Variants in RPS6KA5 observed in about 807,000 individuals in gnomAD.
RPS6KA5 encodes the protein ribosomal protein S6 kinase alpha-5.
Under a neutral mutation model 85.5 loss-of-function variants are expected in RPS6KA5, and 27 were observed. The observed-to-expected ratio is 0.32, with a 90% CI of 0.23 to 0.44. RPS6KA5 has a LOEUF of 0.44. RPS6KA5 is among the 20% of genes least tolerant of loss of function. The pLI is 1.00. For missense variants in RPS6KA5, 811 were observed against 980.9 expected, an observed-to-expected ratio of 0.83 and a Z score of 2.31; for synonymous variants, 334 against 348.2, an observed-to-expected ratio of 0.96 and a Z score of 0.46.
At chr14:91,052,805 G>A (rs1363564318) in intron 1 of RPS6KA5, among the ~76,000 whole-genome samples, 1 of 143,492 alleles carries the variant, frequency 7.0e-6, no homozygotes, top group Admixed American at 7.2e-5. Context: ...CTGTACTCCA[G>A]CCTGGGAACA....
intron 3 of RPS6KA5, among the ~76,000 whole-genome samples, chr14:90,965,105 T>C (rs1244082776): frequency 6.6e-6 from 1 of 152,048 alleles, no homozygotes; most frequent in African/African-American, 2.4e-5. Flanking sequence ...CTTAAAAAGT[T>C]CTCGTATCGG....
intron 3 of RPS6KA5, among the ~76,000 whole-genome samples, chr14:90,973,873 A>C (rs1257286049): frequency 6.6e-6 from 1 of 151,884 alleles, no homozygotes; most frequent in African/African-American, 2.4e-5. Context: ...CCCCGTCTCT[A>C]CTAAAAATAC....
intron 1 of RPS6KA5, among the ~76,000 whole-genome samples, chr14:91,058,002 T>G (rs2043393642): frequency 1.3e-5 from 2 of 152,212 alleles, no homozygotes; most frequent in African/African-American, 4.8e-5. Flanking sequence ...AATAAAGTGT[T>G]CTGCACAAAT....
intron 3 of RPS6KA5, among the ~76,000 whole-genome samples, chr14:90,948,828 T>C (rs963703111): frequency 6.6e-6 from 1 of 152,214 alleles, no homozygotes; most frequent in Non-Finnish European, 1.5e-5. Context: ...CTTTTTCTCC[T>C]GAAAAATTTG....
intron 1 of RPS6KA5, 36 bp from the exon 2 acceptor site, chr14:91,001,195 G>T: frequency 7.2e-7 from 1 of 1,383,928 alleles, no homozygotes; most frequent in Non-Finnish European, 1.0e-6. Flanking sequence ...AAACAAGAGG[G>T]TCAGCAATAG....
At chr14:91,008,861 T>C (rs949666316) in intron 1 of RPS6KA5, among the ~76,000 whole-genome samples, 2 of 152,112 alleles carry the variant, frequency 1.3e-5, no homozygotes, top group African/African-American at 4.8e-5. Flanking sequence ...ACAATGTGCA[T>C]AGAAGCAAGG....
chr14:90,855,331 G>A lies in RPS6KA5; in HGVS notation c.*16743C>T, dbSNP rs970338541. 3.9e-5 allele frequency: 6 copies of A among 152,164 alleles called. No homozygotes were observed. Among genetic ancestry groups the A allele is most frequent in the Admixed American group, 1.3e-4 (2 of 15,284 alleles). The allele number at this position is 152,164 out of a possible 1,614,324, so 9.4% of individuals were successfully genotyped here. On this transcript the variant is annotated 3_prime_UTR_variant, in exon 17 of 17. Coordinates refer to ENST00000614987, the MANE Select transcript of RPS6KA5 (RefSeq NM_004755.4). ...ATATTTCAGCTAACTGCACAAATGAGCCTGCTTCTGAGACAAAGTTAACAT... is the reference window on the plus strand; with the variant it reads ...ATATTTCAGCTAACTGCACAAATGAACCTGCTTCTGAGACAAAGTTAACAT...
intron 14 of RPS6KA5, among the ~76,000 whole-genome samples, chr14:90,881,761 A>G (rs955409590): frequency 1.1e-4 from 17 of 151,884 alleles, no homozygotes; most frequent in African/African-American, 3.9e-4. Context: ...TCGGCCTCCC[A>G]AAGTGCTGGG....
intron 3 of RPS6KA5, among the ~76,000 whole-genome samples, chr14:90,978,061 A>G (rs1337531007): frequency 2.0e-5 from 3 of 152,172 alleles, no homozygotes; most frequent in Admixed American, 1.3e-4. Context: ...CCTCAAAAAA[A>G]GAAAAGAAAA....
chr14:91,059,088 G>A lies in RPS6KA5; in HGVS notation c.103+1244C>T, dbSNP rs577284238. Among the ~76,000 whole-genome samples, 131 of 152,270 alleles carry A rather than the reference G, an allele frequency of 8.6e-4. 1 individual carries two copies. The highest frequency in any genetic ancestry group is 3.1e-3 in the African/African-American group (127 of 41,532). ...CACGCCTGTAATCCCAGCACTTTGG[G>A]AGGCCGAGGCGGGCGGATCACTTGA... On this transcript the variant is annotated intron_variant, in intron 1 of 16. Coordinates refer to ENST00000614987, the MANE Select transcript of RPS6KA5 (RefSeq NM_004755.4).
At chr14:90,976,746 TAAG>T (rs2039587297) in intron 3 of RPS6KA5, among the ~76,000 whole-genome samples, 1 of 152,062 alleles carries the variant, frequency 6.6e-6, no homozygotes, top group Non-Finnish European at 1.5e-5. Context: ...TGGGGACTCT[TAAG>T]AGGAGAGAAG....
chr14:90,849,948 C>G lies in RPS6KA5; in HGVS notation c.*22126G>C, dbSNP rs2031908578. The G allele has an allele frequency of 6.6e-6, 1 of 152,276 alleles. No homozygotes were observed. Among genetic ancestry groups the G allele is most frequent in the Non-Finnish European group, 1.5e-5 (1 of 68,118 alleles). The allele number at this position is 152,276 out of a possible 1,614,324, so 9.4% of individuals were successfully genotyped here. On this transcript the variant is annotated 3_prime_UTR_variant, in exon 17 of 17. Coordinates refer to ENST00000614987, the MANE Select transcript of RPS6KA5 (RefSeq NM_004755.4). The stretch of plus-strand genomic sequence containing the variant: ...TGGTGGCTCATGCCTGTAATCCCAT[C>G]ACTTTGGGAGGCCCAGGTGGCAGGA...
intron 1 of RPS6KA5, among the ~76,000 whole-genome samples, chr14:91,040,745 G>A (rs954829560): frequency 1.3e-5 from 2 of 152,198 alleles, no homozygotes; most frequent in Admixed American, 6.5e-5. Context: ...GGCAGTCACC[G>A]ATTGAGAAGA....
chr14:91,012,696 A>G (rs925102151), intron 1 of RPS6KA5, among the ~76,000 whole-genome samples: 7 of 152,176 alleles, frequency 4.6e-5, no homozygotes, highest in African/African-American at 1.7e-4. Context: ...GTGAGGACAC[A>G]GCTCACCAAC....
rs1483108781 is a variant in RPS6KA5 at position 90,943,203 on chromosome 14, T to C, written c.511-18A>G. 3 of 1,354,254 alleles carry C rather than the reference T, an allele frequency of 2.2e-6. No homozygotes were observed. The highest frequency in any genetic ancestry group is 2.1e-6 in the Non-Finnish European group (2 of 959,966). The allele number at this position is 1,354,254 out of a possible 1,614,324, so 83.9% of individuals were successfully genotyped here. ...ATCCCCAACTGCAAAAACAAAGAAATATAAATTTTAAAATAATTTACAAAA... is the reference window on the plus strand; with the variant it reads ...ATCCCCAACTGCAAAAACAAAGAAACATAAATTTTAAAATAATTTACAAAA... On this transcript the variant is annotated intron_variant, in intron 4 of 16. Coordinates refer to ENST00000614987, the MANE Select transcript of RPS6KA5 (RefSeq NM_004755.4).
At chr14:91,034,778 G>A (rs10142254) in intron 1 of RPS6KA5, among the ~76,000 whole-genome samples, 2,331 of 152,276 alleles carry the variant, frequency 0.015, 69 homozygotes, top group African/African-American at 0.053. Flanking sequence ...CACTCACCAC[G>A]AGGTGCATGG....
chr14:90,899,308 A>T, intron 12 of RPS6KA5, 21 bp downstream of exon 12: 1 of 1,523,854 alleles, frequency 6.6e-7, no homozygotes, highest in Non-Finnish European at 8.9e-7. Flanking sequence ...ATGGGAAAAA[A>T]AAAAAAAAAA....
chr14:90,952,090 C>G (rs1286106), intron 3 of RPS6KA5, among the ~76,000 whole-genome samples: 96,282 of 152,114 alleles, frequency 0.63, 32,201 homozygotes, highest in East Asian at 0.87. Flanking sequence ...TTCTTTACGG[C>G]AGAGAACATC....
chr14:91,034,808 G>A (rs549873134), intron 1 of RPS6KA5, among the ~76,000 whole-genome samples: 1 of 152,080 alleles, frequency 6.6e-6, no homozygotes, highest in South Asian at 2.1e-4. Context: ...TGAAGTCAGC[G>A]AGACCAAGAA....
Sources: gnomAD v4.1 joint callset for allele counts (sites outside exome capture counted in the v4.1 genomes callset) on GRCh38, gnomAD v4.1.1 for gene constraint, MANE v1.5 for transcripts, NCBI Gene and HGNC (gene_info 2026-07-23, HGNC 2026-07-21) for gene names.